TEF: variants seen among roughly 807,000 people sequenced by gnomAD.
The protein encoded by TEF is thyrotroph embryonic factor.
In TEF, 3 loss-of-function variants were observed where a neutral mutation model predicts 20.8. The observed-to-expected ratio is 0.14, with a 90% CI of 0.07 to 0.37. The LOEUF (loss-of-function observed/expected upper bound fraction) is 0.37, where lower values mean the gene tolerates loss of function less well. Among genes scored for constraint, TEF ranks in the 10% least tolerant of loss-of-function variants. The probability of loss-of-function intolerance (pLI) is 1.00; values close to 1 mark genes in which losing one functional copy is unlikely to be tolerated. For missense variants in TEF, 296 were observed against 397.9 expected (o/e 0.74, Z 2.18); for synonymous variants, 180 against 171.1 (o/e 1.05, Z -0.41).
chr22:41,372,106 T>C (rs766160513), intron 1 of TEF, among the ~76,000 whole-genome samples: 2 of 152,144 alleles, frequency 1.3e-5, no homozygotes, highest in Non-Finnish European at 2.9e-5. Flanking sequence ...ATGTGCTGGA[T>C]ATGCTAGCTC....
At position 41,387,416 on chromosome 22, in the gene TEF, T is replaced by G. The variant is rs1456516141; in HGVS notation, c.223T>G (p.Ser75Ala). 1.2e-6 allele frequency: 2 copies of G among 1,614,232 alleles called. No homozygotes were observed. Among genetic ancestry groups the G allele is most frequent in the Non-Finnish European group, 8.5e-7 (1 of 1,180,034 alleles). The change falls in exon 2 of 4, where the codon TCA becomes GCA. Residue 75 changes from serine to alanine, a missense_variant. Ser to Ala is a moderately conservative substitution (Grantham distance 99). This residue lies in a region of TEF where 194 missense variants were observed against 317.8 expected (regional missense o/e 0.61). Coordinates refer to ENST00000266304, the MANE Select transcript of TEF (RefSeq NM_003216.4). ...CGCAGCCGCCAGCACCATGGCTGTC[T>G]CAGCCTCCCTCATGCCACCCATCTG... ...EAAAASTMAV[S>A]ASLMPPIWDK...
chr22:41,373,759 C>T (rs373848104), intron 1 of TEF, among the ~76,000 whole-genome samples: 3 of 147,286 alleles, frequency 2.0e-5, no homozygotes, highest in African/African-American at 5.0e-5. Flanking sequence ...TAAGTCACCA[C>T]GCCCGGACTT....
chr22:41,372,886 C>T (rs2036899741), intron 1 of TEF, among the ~76,000 whole-genome samples: 1 of 152,088 alleles, frequency 6.6e-6, no homozygotes, highest in Non-Finnish European at 1.5e-5. Context: ...GTGGGAAGAG[C>T]ACCTGCAAAG....
intron 1 of TEF, among the ~76,000 whole-genome samples, chr22:41,383,239 G>A (rs1402760291): frequency 2.0e-5 from 3 of 152,096 alleles, no homozygotes; most frequent in Non-Finnish European, 4.4e-5. Context: ...CCATCCCTGT[G>A]GCTGTCACTG....
chr22:41,375,472 C>A (rs141743933), intron 1 of TEF, among the ~76,000 whole-genome samples: 1 of 152,076 alleles, frequency 6.6e-6, no homozygotes, highest in Non-Finnish European at 1.5e-5. Context: ...CAAATGCGGC[C>A]GGGCGTGGTG....
intron 1 of TEF, among the ~76,000 whole-genome samples, chr22:41,375,028 G>A (rs946093379): frequency 1.3e-5 from 2 of 152,158 alleles, no homozygotes; most frequent in African/African-American, 4.8e-5. Flanking sequence ...GGCTCCAGAG[G>A]CCCACCTCTG....
chr22:41,369,205 C>A (rs1001572561), intron 1 of TEF: 5 of 985,262 alleles, frequency 5.1e-6, no homozygotes, highest in Non-Finnish European at 6.0e-6. Flanking sequence ...GCAGCAGCTG[C>A]CGGTCTCTGG....
intron 1 of TEF, chr22:41,370,112 C>G: frequency 2.0e-6 from 2 of 983,310 alleles, no homozygotes; most frequent in Non-Finnish European, 2.4e-6. Flanking sequence ...TTTATTTTCT[C>G]TTTCCCCCTT....
At chr22:41,377,394 A>C (rs2036956456), upstream of TEF, 1 of 152,182 alleles carries the variant, frequency 6.6e-6, no homozygotes, top group Non-Finnish European at 1.5e-5. Flanking sequence ...TTTCCCCCTG[A>C]AAAGCCTCTC....
At chr22:41,388,084 A>G (rs1319688658) in intron 2 of TEF, among the ~76,000 whole-genome samples, 1 of 121,550 alleles carries the variant, frequency 8.2e-6, no homozygotes, top group African/African-American at 3.2e-5. Context: ...TGCCACCTCC[A>G]CCTCCTGGGT....
At chr22:41,374,713 CAA>C (rs144864193) in intron 1 of TEF, among the ~76,000 whole-genome samples, 27 of 116,462 alleles carry the variant, frequency 2.3e-4, no homozygotes, top group Non-Finnish European at 1.8e-4. Flanking sequence ...AAAACTGTCT[CAA>C]AAAAAAAAAA....
Position 41,395,888 on chromosome 22 carries a change from C to T in TEF, c.840C>T (p.Ala280=), listed in dbSNP as rs762412378. 1.3e-5 allele frequency: 21 copies of T among 1,614,012 alleles called. No homozygotes were observed. The highest frequency in any genetic ancestry group is 8.9e-5 in the East Asian group (4 of 44,886). ...ACACAGCCCTGCGGACGGAGGTGGC[C>T]GAGCTACGCAAGGAGGTGGGCAAGT... ...KENTALRTEV[A]ELRKEVGKCK... The change falls in exon 4 of 4, where the codon GCC becomes GCT. Residue 280 remains alanine (A), a synonymous_variant. Transcript: ENST00000266304.
upstream of TEF, among the ~76,000 whole-genome samples, chr22:41,379,833 CGGTG>C (rs2036991898): frequency 6.8e-6 from 1 of 146,828 alleles, no homozygotes. Context: ...GCGGAGGTTG[CGGTG>C]AGCCGAGATC....
chr22:41,379,731 T>C (rs1018965920), upstream of TEF, among the ~76,000 whole-genome samples: 48 of 150,270 alleles, frequency 3.2e-4, no homozygotes, highest in African/African-American at 1.1e-3. Context: ...CCGTCTCTAC[T>C]AAAAATACAA....
In TEF at chr22:41,397,418, CG is replaced by C. The variant is rs1316200150; in HGVS notation, c.*1461del. On this transcript the variant is annotated 3_prime_UTR_variant, in exon 4 of 4. Transcript: ENST00000266304. ...GATGGGTGTGTTTATTTGCTCAGGG[CG>C]GGCAGCCTATGGTGAAGAGGAGACA... The C allele has an allele frequency of 2.1e-4, 55 of 267,722 alleles. No homozygotes were observed. In the East Asian group the frequency reaches 3.6e-3, roughly 17 times the overall value. The allele number at this position is 267,722 out of a possible 1,614,324, so 16.6% of individuals were successfully genotyped here.
chr22:41,381,329 A>ACGTGCGGCGCCT (rs1229654280), upstream of TEF, among the ~76,000 whole-genome samples: 2 of 127,608 alleles, frequency 1.6e-5, no homozygotes, highest in East Asian at 2.4e-4. Flanking sequence ...ACAGCCCCGC[A>ACGTGCGGCGCCT]CGTGCGGCGC....
upstream of TEF, among the ~76,000 whole-genome samples, chr22:41,381,005 G>A (rs551379534): frequency 2.0e-4 from 30 of 152,358 alleles, no homozygotes; most frequent in Admixed American, 1.8e-3. Flanking sequence ...ACTTTCCCAA[G>A]GTCATAAGCT....
chr22:41,383,135 A>G (rs749606394), intron 1 of TEF: 7 of 440,926 alleles, frequency 1.6e-5, no homozygotes, highest in Non-Finnish European at 3.3e-5. Context: ...GGTTTGGGAA[A>G]GGGATAGGCC....
exon 1 of TEF, chr22:41,367,455 A>G: frequency 1.4e-6 from 2 of 1,435,688 alleles, no homozygotes; most frequent in Non-Finnish European, 1.9e-6. Flanking sequence ...CTGCCTCTCC[A>G]GCTGCCTCTG....
Sources: gnomAD v4.1 joint callset for allele counts (sites outside exome capture counted in the v4.1 genomes callset) on GRCh38, gnomAD v4.1.1 for gene constraint, gnomAD v4.1.1 regional missense constraint, MANE v1.5 for transcripts, NCBI Gene and HGNC (gene_info 2026-07-23, HGNC 2026-07-21) for gene names.